The following USP54 variants were observed in gnomAD, a reference collection of about 807,000 sequenced individuals.
USP54 encodes ubiquitin carboxyl-terminal hydrolase 54.
In USP54, 87 loss-of-function variants were observed where a neutral mutation model predicts 170.5. The ratio of observed to expected loss-of-function variants is 0.51; its 90% CI spans 0.43 to 0.61. USP54 has a LOEUF of 0.61. Ranked by LOEUF, USP54 falls within the 20% of genes least tolerant of loss-of-function variation. USP54 has a pLI of 0.00. For missense variants in USP54, 1,786 were observed against 2,047.8 expected, an observed-to-expected ratio of 0.87 and a Z score of 2.47; for synonymous variants, 655 against 742.8, an observed-to-expected ratio of 0.88 and a Z score of 1.92.
intron 4 of USP54, among the ~76,000 whole-genome samples, chr10:73,548,286 G>C (rs1368352019): frequency 6.6e-6 from 1 of 152,266 alleles, no homozygotes; most frequent in East Asian, 1.9e-4. Context: ...GTTGGTGGGA[G>C]TGTAAATTAG....
At chr10:73,536,177 G>T (rs1273112601) in intron 11 of USP54, 92 bp downstream of exon 11, 9 of 1,512,466 alleles carry the variant, frequency 6.0e-6, no homozygotes, top group Non-Finnish European at 8.1e-6. Flanking sequence ...TCCAAGCTAG[G>T]TTACGAGCTA....
upstream of USP54, among the ~76,000 whole-genome samples, chr10:73,594,291 G>A (rs554343073): frequency 1.3e-5 from 2 of 152,176 alleles, no homozygotes; most frequent in Admixed American, 1.3e-4. Flanking sequence ...GACTGGTCTC[G>A]AACTCCTGAC....
intron 4 of USP54, among the ~76,000 whole-genome samples, chr10:73,566,258 A>G (rs1164494873): frequency 6.6e-6 from 1 of 152,010 alleles, no homozygotes; most frequent in East Asian, 1.9e-4. Flanking sequence ...GAAATACCAT[A>G]CAGTAATGAA....
rs904208486 is a variant in USP54, at chr10:73,548,035, G to GA, written c.241-2364dup. Among the ~76,000 whole-genome samples, 85 of 147,172 alleles carry GA rather than the reference G, an allele frequency of 5.8e-4. 1 individual carries two copies. The East Asian group carries it at 0.015, about 27-fold the overall frequency. ...ACAAAGAACTTAAACAAATTTACAA[G>GA]AAAAAAAAAATAACCCCATCAAAAG... On this transcript the variant is annotated intron_variant, in intron 4 of 23. Coordinates refer to ENST00000687698, the MANE Select transcript of USP54 (RefSeq NM_001391956.1).
At chr10:73,622,285 C>G (rs1200802776) in intron 1 of USP54, among the ~76,000 whole-genome samples, 2 of 151,280 alleles carry the variant, frequency 1.3e-5, no homozygotes, top group African/African-American at 2.4e-5. Context: ...TTATTATTGC[C>G]TTAAGACTGT....
At position 73,530,378 on chromosome 10, in the gene USP54, G is replaced by A. The variant is rs753663560; in HGVS notation, c.1593C>T (p.His531=). Residue 531 remains histidine, a synonymous_variant, in exon 14 of 24, where the codon CAC becomes CAT. Transcript: ENST00000687698. ...SLASQTNVGS[H]CRGRGGDQPD... ...GCTGGTCTCCTCCTCTGCCCCTGCAGTGAGAGCCTACATTGGTCTGAGAAG... is the reference window on the plus strand; with the variant it reads ...GCTGGTCTCCTCCTCTGCCCCTGCAATGAGAGCCTACATTGGTCTGAGAAG... The A allele has an allele frequency of 6.2e-7, 1 of 1,614,204 alleles. No individual in the cohort carries two copies. The highest frequency in any genetic ancestry group is 8.5e-7 in the Non-Finnish European group (1 of 1,180,048).
chr10:73,583,352 C>T (rs1196031470), intron 1 of USP54, among the ~76,000 whole-genome samples: 1 of 152,202 alleles, frequency 6.6e-6, no homozygotes, highest in Non-Finnish European at 1.5e-5. Flanking sequence ...ATGGCGCGAT[C>T]TTGGCTTACT....
chr10:73,504,977 C>G lies in USP54; in HGVS notation c.4184G>C (p.Arg1395Pro). The G allele has an allele frequency of 1.2e-6, 2 of 1,614,142 alleles. No individual in the cohort carries two copies. Among genetic ancestry groups the G allele is most frequent in the South Asian group, 1.1e-5 (1 of 91,078 alleles). ...TVRTSQATPC[R>P]GLSRECGEDE... ...CTCCCCACACTCCCTGCTGAGGCCT[C>G]GGCAAGGTGTAGCCTTCAAACACAC... The change falls in exon 22 of 24, where the codon CGA becomes CCA. Residue 1395 changes from arginine (R) to proline (P), a missense_variant. Coordinates refer to ENST00000687698, the MANE Select transcript of USP54 (RefSeq NM_001391956.1).
Position 73,517,299 on chromosome 10 carries a change from C to G in USP54, c.3127G>C (p.Ala1043Pro). The G allele has an allele frequency of 6.2e-7, 1 of 1,612,862 alleles. No homozygotes were observed. The highest frequency in any genetic ancestry group is 8.5e-7 in the Non-Finnish European group (1 of 1,179,380). Residue 1043 changes from alanine (A) to proline (P), a missense_variant, in exon 20 of 24, where the codon GCC becomes CCC. Physicochemically the swap from Ala to Pro is conservative, Grantham distance 27. Around this residue, in one of 3 missense-constraint regions of USP54, gnomAD observed 1,418 missense variants for 1,569.0 expected, o/e 0.90. Coordinates refer to ENST00000687698, the MANE Select transcript of USP54 (RefSeq NM_001391956.1). ...TGTTCATCACCCCTCTCAGAGGTGG[C>G]TATTCCAGGCATCACCGGGGAGGGG... is the stretch of plus-strand genomic sequence containing the variant. ...ANPSPVMPGI[A>P]TSERGDEHSL...
chr10:73,605,639 T>C (rs1419299108), intron 1 of USP54, among the ~76,000 whole-genome samples: 2 of 152,076 alleles, frequency 1.3e-5, no homozygotes, highest in African/African-American at 2.4e-5. Flanking sequence ...GGTACATACA[T>C]AGAACTGATT....
Position 73,586,013 on chromosome 10 carries a change from GA to G in USP54, c.-582+5264del, listed in dbSNP as rs570564249. Among the ~76,000 whole-genome samples, 529 of 149,798 alleles carry G rather than the reference GA, an allele frequency of 3.5e-3. 6 individuals are homozygous for G. The highest frequency in any genetic ancestry group is 0.012 in the African/African-American group (509 of 40,886). On this transcript the variant is annotated intron_variant, in intron 1 of 23. Coordinates refer to ENST00000687698, the MANE Select transcript of USP54 (RefSeq NM_001391956.1). ...TGACAGAGCAAGACTCCAGCTCAAA[GA>G]AAAAAAAAATTAATTCCTAATTATA...
intron 15 of USP54, 93 bp from the exon 16 acceptor site, chr10:73,526,873 A>C: frequency 9.4e-6 from 13 of 1,386,478 alleles, no homozygotes; most frequent in Non-Finnish European, 1.3e-5. Flanking sequence ...AAAAAAAATC[A>C]AACTACACAA....
intron 9 of USP54, among the ~76,000 whole-genome samples, chr10:73,540,591 T>C (rs2066411157): frequency 6.6e-6 from 1 of 151,882 alleles, no homozygotes; most frequent in Non-Finnish European, 1.5e-5. Flanking sequence ...AAAGAAACAA[T>C]TGCTTTTGTT....
At chr10:73,525,786 T>C (rs960131920) in intron 16 of USP54, among the ~76,000 whole-genome samples, 7 of 152,236 alleles carry the variant, frequency 4.6e-5, no homozygotes, top group Non-Finnish European at 8.8e-5. Context: ...CAACCTTTAG[T>C]ATACATACCT....
upstream of USP54, among the ~76,000 whole-genome samples, chr10:73,595,163 T>C (rs1179563083): frequency 6.6e-6 from 1 of 152,048 alleles, no homozygotes; most frequent in East Asian, 1.9e-4. Flanking sequence ...TGACCTCAGG[T>C]GATCCACCCA....
At chr10:73,589,194 A>G (rs2077914447) in intron 1 of USP54, among the ~76,000 whole-genome samples, 1 of 152,142 alleles carries the variant, frequency 6.6e-6, no homozygotes, top group African/African-American at 2.4e-5. Context: ...TCAAACTCAC[A>G]TTTTTCCGTT....
intron 1 of USP54, among the ~76,000 whole-genome samples, chr10:73,597,212 G>A (rs1367201351): frequency 1.3e-5 from 2 of 152,142 alleles, no homozygotes; most frequent in Admixed American, 1.3e-4. Flanking sequence ...TTGAAACAAA[G>A]ACAAAAACAC....
intron 1 of USP54, among the ~76,000 whole-genome samples, chr10:73,608,022 G>A (rs1389913198): frequency 6.6e-6 from 1 of 152,090 alleles, no homozygotes; most frequent in Non-Finnish European, 1.5e-5. Context: ...AGCAATTTGG[G>A]AGGCCAAGGC....
rs60197778 is a variant in USP54, at chr10:73,616,335, CAAAAAAAAAAA to C, written c.-18+9221_-18+9231del. The stretch of plus-strand genomic sequence containing the variant: ...CCTAGGCGACAGCAAGACTCCATCT[CAAAAAAAAAAA>C]AAAAAAAAAAAAAAAATCAAGTTCC... On this transcript the variant is annotated intron_variant, in intron 1 of 22. Coordinates refer to the USP54 transcript ENST00000339859. Among the ~76,000 whole-genome samples the C allele has an allele frequency of 7.4e-4, 19 of 25,772 alleles. 1 individual carries two copies. Among genetic ancestry groups the C allele is most frequent in the Admixed American group, 9.7e-4 (2 of 2,072 alleles). The allele number at this position is 25,772 out of a possible 152,430, so 16.9% of individuals were successfully genotyped here. A position where few individuals can be genotyped will look rare whatever the true frequency, so the allele number is the denominator to read the frequency against.
Sources: allele counts gnomAD v4.1 joint callset (sites outside exome capture counted in the v4.1 genomes callset), GRCh38; gene constraint gnomAD v4.1.1; regional missense constraint gnomAD v4.1.1; transcripts MANE v1.5; gene names NCBI Gene and HGNC (gene_info 2026-07-23, HGNC 2026-07-21).